The following UVRAG variants were observed in gnomAD, a reference collection of about 807,000 sequenced individuals.
UVRAG encodes the protein UV radiation resistance associated.
In UVRAG, 19 loss-of-function variants were observed where a neutral mutation model predicts 78.0. That is an observed-to-expected ratio of 0.24 (90% CI 0.17 to 0.36). UVRAG has a LOEUF of 0.36. Ranked by LOEUF, UVRAG falls within the 10% of genes least tolerant of loss-of-function variation. UVRAG has a pLI of 1.00. For synonymous variants in UVRAG, 323 were observed against 324.6 expected (o/e 1.00, Z 0.05); for missense variants, 740 against 853.8 (o/e 0.87, Z 1.66).
At chr11:75,967,642 A>G (rs964417214) in intron 7 of UVRAG, among the ~76,000 whole-genome samples, 2 of 152,210 alleles carry the variant, frequency 1.3e-5, no homozygotes, top group Non-Finnish European at 2.9e-5. Context: ...CATTTTTATG[A>G]AAAATAAGCA....
chr11:75,831,798 C>T (rs556575636), intron 1 of UVRAG, among the ~76,000 whole-genome samples: 39 of 152,250 alleles, frequency 2.6e-4, no homozygotes, highest in African/African-American at 9.1e-4. Context: ...TTGAAAATAT[C>T]GCTAAGTCAA....
chr11:75,894,646 C>T (rs909402271), intron 5 of UVRAG, among the ~76,000 whole-genome samples: 3 of 151,652 alleles, frequency 2.0e-5, no homozygotes, highest in Non-Finnish European at 2.9e-5. Context: ...CCAAGTGATC[C>T]GTCCTCCTCA....
intron 14 of UVRAG, among the ~76,000 whole-genome samples, chr11:76,125,048 T>C (rs1396480889): frequency 1.3e-5 from 2 of 152,236 alleles, no homozygotes; most frequent in Non-Finnish European, 2.9e-5. Flanking sequence ...ACTCTCTTCC[T>C]TTCTGTCCAT....
chr11:75,877,643 T>A (rs1946828224), intron 3 of UVRAG, among the ~76,000 whole-genome samples: 1 of 134,764 alleles, frequency 7.4e-6, no homozygotes, highest in Admixed American at 7.1e-5. Flanking sequence ...ACGGAGCGGC[T>A]GGCCAGGCAG....
chr11:76,086,259 T>C (rs1365217590), intron 13 of UVRAG, among the ~76,000 whole-genome samples: 1 of 152,242 alleles, frequency 6.6e-6, no homozygotes, highest in Non-Finnish European at 1.5e-5. Context: ...GATTTGTCTT[T>C]ACACATCTGT....
intron 6 of UVRAG, chr11:75,930,979 C>CTTTCT (rs1948228046): frequency 1.3e-5 from 2 of 148,362 alleles, no homozygotes; most frequent in Non-Finnish European, 1.5e-5. Context: ...TTCTTTCTTT[C>CTTTCT]TTTCTTTCCA....
chr11:75,820,657 A>T (rs115573476), intron 1 of UVRAG, among the ~76,000 whole-genome samples: 1,706 of 152,270 alleles, frequency 0.011, 31 homozygotes, highest in African/African-American at 0.038. Context: ...ACCCGGCCTC[A>T]CTTATTCTTA....
chr11:75,909,412 A>C (rs1046894087), intron 5 of UVRAG, among the ~76,000 whole-genome samples: 3 of 152,016 alleles, frequency 2.0e-5, no homozygotes, highest in Non-Finnish European at 2.9e-5. Context: ...TCAGCCCAGG[A>C]GGTTGAGACT....
intron 5 of UVRAG, chr11:75,911,551 C>T (rs910684207): frequency 3.1e-5 from 5 of 162,340 alleles, no homozygotes; most frequent in South Asian, 1.9e-4. Context: ...TCATCTTTCT[C>T]TGGGGATGAC....
At chr11:75,951,230 C>A (rs972595694) in intron 6 of UVRAG, among the ~76,000 whole-genome samples, 1 of 151,664 alleles carries the variant, frequency 6.6e-6, no homozygotes, top group Non-Finnish European at 1.5e-5. Context: ...TTCCTATATA[C>A]GTATTAAGTT....
intron 3 of UVRAG, among the ~76,000 whole-genome samples, chr11:75,871,166 G>A (rs966776560): frequency 6.6e-6 from 1 of 151,944 alleles, no homozygotes; most frequent in Admixed American, 6.6e-5. Context: ...GCGCCCCTGC[G>A]CCCGGCCTAT....
Position 76,140,793 on chromosome 11 carries a change from G to C in UVRAG, c.1480G>C (p.Gly494Arg), listed in dbSNP as rs767580688. 3 of 1,614,062 alleles carry C rather than the reference G, an allele frequency of 1.9e-6. No homozygotes were observed. The highest frequency in any genetic ancestry group is 1.7e-6 in the Non-Finnish European group (2 of 1,179,994). The part of the protein sequence containing the change: ...IFGGADVGFS[G>R]GIPSPDKGHR... ...TGGGGGTGCAGATGTAGGCTTCTCTGGGGGGATCCCTTCACCAGACAAAGG... is the reference window on the plus strand; with the variant it reads ...TGGGGGTGCAGATGTAGGCTTCTCTCGGGGGATCCCTTCACCAGACAAAGG... The change falls in exon 15 of 15, where the codon GGG becomes CGG. Residue 494 changes from glycine (G) to arginine (R), a missense_variant. Gly to Arg is a moderately radical substitution (Grantham distance 125, BLOSUM62 -2). Coordinates refer to ENST00000356136, the MANE Select transcript of UVRAG (RefSeq NM_003369.4).
At chr11:75,933,710 A>G (rs1948291853) in intron 6 of UVRAG, among the ~76,000 whole-genome samples, 1 of 152,262 alleles carries the variant, frequency 6.6e-6, no homozygotes, top group South Asian at 2.1e-4. Flanking sequence ...GACATTTCTC[A>G]AAGGAAGACA....
chr11:75,962,789 A>C (rs1948933933), intron 7 of UVRAG, among the ~76,000 whole-genome samples: 1 of 152,068 alleles, frequency 6.6e-6, no homozygotes, highest in Non-Finnish European at 1.5e-5. Flanking sequence ...GCTGGGTTTT[A>C]TTTTTGTTTT....
At chr11:76,002,449 C>G (rs1022273094) in intron 8 of UVRAG, among the ~76,000 whole-genome samples, 3 of 152,062 alleles carry the variant, frequency 2.0e-5, no homozygotes, top group Non-Finnish European at 4.4e-5. Flanking sequence ...AGGAAGGGGA[C>G]ACTCATTTGT....
intron 1 of UVRAG, among the ~76,000 whole-genome samples, chr11:75,841,468 C>G (rs931799799): frequency 6.6e-6 from 1 of 152,064 alleles, no homozygotes; most frequent in South Asian, 2.1e-4. Context: ...AGTAATATTT[C>G]TTTACGTAAA....
chr11:75,887,696 C>T (rs887892839), intron 4 of UVRAG, among the ~76,000 whole-genome samples: 12 of 152,190 alleles, frequency 7.9e-5, no homozygotes, highest in Non-Finnish European at 1.5e-4. Flanking sequence ...ATCCACCCGC[C>T]TTGGCCTCCC....
At chr11:75,844,902 G>A (rs1403374487) in intron 1 of UVRAG, among the ~76,000 whole-genome samples, 1 of 152,124 alleles carries the variant, frequency 6.6e-6, no homozygotes, top group East Asian at 1.9e-4. Flanking sequence ...CTGGGCTCAA[G>A]CGATGTGCCC....
intron 6 of UVRAG, chr11:75,930,927 T>TTTC: frequency 8.5e-6 from 1 of 117,404 alleles, no homozygotes; most frequent in South Asian, 2.9e-4. Flanking sequence ...AGTGTCGGGA[T>TTTC]TTTCTTTCTT....
Sources: allele counts gnomAD v4.1 joint callset (sites outside exome capture counted in the v4.1 genomes callset), GRCh38; gene constraint gnomAD v4.1.1; transcripts MANE v1.5; gene names NCBI Gene and HGNC (gene_info 2026-07-23, HGNC 2026-07-21).